Variants in MEF2A observed in about 807,000 individuals in gnomAD.
MEF2A encodes myocyte-specific enhancer factor 2A.
MEF2A carries 28 observed loss-of-function variants against 55.8 expected under a neutral mutation model. The observed-to-expected ratio is 0.50, with a 90% CI of 0.37 to 0.69. The LOEUF (loss-of-function observed/expected upper bound fraction) is 0.69, where lower values mean the gene tolerates loss of function less well. Ranked by LOEUF, MEF2A falls within the 30% of genes least tolerant of loss-of-function variation. The pLI, the probability that MEF2A is intolerant of heterozygous loss-of-function variation, is 0.00. For missense variants in MEF2A, 528 were observed against 626.2 expected (o/e 0.84, Z 1.67); for synonymous variants, 239 against 227.1 (o/e 1.05, Z -0.47).
At chr15:99,682,957 T>A (rs2053520062) in intron 7 of MEF2A, among the ~76,000 whole-genome samples, 1 of 152,238 alleles carries the variant, frequency 6.6e-6, no homozygotes, top group Non-Finnish European at 1.5e-5. Flanking sequence ...TAAAAAATTA[T>A]TAATCTGACA....
chr15:99,617,424 G>A (rs889775709), intron 2 of MEF2A, among the ~76,000 whole-genome samples: 13 of 152,190 alleles, frequency 8.5e-5, no homozygotes, highest in African/African-American at 3.1e-4. Flanking sequence ...GAAAATATAA[G>A]ATGAAATGAC....
chr15:99,581,051 A>G (rs1416828417), intron 1 of MEF2A, among the ~76,000 whole-genome samples: 1 of 152,016 alleles, frequency 6.6e-6, no homozygotes, highest in Non-Finnish European at 1.5e-5. Context: ...GAGATTTAAC[A>G]TAAAGTTGGA....
chr15:99,609,689 CTTAG>C (rs1268225637), intron 2 of MEF2A, among the ~76,000 whole-genome samples: 1 of 149,224 alleles, frequency 6.7e-6, no homozygotes, highest in Non-Finnish European at 1.5e-5. Flanking sequence ...ATTAAAACAT[CTTAG>C]TTTAGTGGGA....
chr15:99,707,496 TG>T (rs2058164132), intron 10 of MEF2A, among the ~76,000 whole-genome samples: 2 of 152,172 alleles, frequency 1.3e-5, no homozygotes. Flanking sequence ...TGCCCTAATT[TG>T]GGGTTGTATT....
At chr15:99,636,063 G>A (rs775684986) in intron 3 of MEF2A, among the ~76,000 whole-genome samples, 5 of 152,004 alleles carry the variant, frequency 3.3e-5, no homozygotes, top group Non-Finnish European at 7.4e-5. Flanking sequence ...AGCAATACTG[G>A]GTACTGTCCT....
chr15:99,681,816 G>A (rs572374044), intron 7 of MEF2A: 1 of 152,126 alleles, frequency 6.6e-6, no homozygotes, highest in Non-Finnish European at 1.5e-5. Context: ...TAGTGAGAAG[G>A]GGGTAAAGAG....
intron 4 of MEF2A, among the ~76,000 whole-genome samples, chr15:99,657,713 C>T (rs575536140): frequency 1.3e-5 from 2 of 152,124 alleles, no homozygotes; most frequent in South Asian, 2.1e-4. Flanking sequence ...AATAGATACC[C>T]CCAAAACCCT....
intron 1 of MEF2A, among the ~76,000 whole-genome samples, chr15:99,578,445 G>T (rs1292166415): frequency 6.6e-6 from 1 of 152,088 alleles, no homozygotes; most frequent in African/African-American, 2.4e-5. Context: ...TTCTGGTACT[G>T]AAAAGTTTCT....
intron 7 of MEF2A, among the ~76,000 whole-genome samples, chr15:99,679,821 C>G (rs1007226309): frequency 1.3e-5 from 2 of 152,090 alleles, no homozygotes; most frequent in Non-Finnish European, 2.9e-5. Flanking sequence ...AATAAAGGAA[C>G]TATAACAACA....
chr15:99,631,350 C>A (rs932739107), intron 2 of MEF2A, among the ~76,000 whole-genome samples: 2 of 152,112 alleles, frequency 1.3e-5, no homozygotes, highest in Non-Finnish European at 2.9e-5. Flanking sequence ...TATTCTACAA[C>A]ACAGCCTGTT....
chr15:99,668,035 G>C (rs942872302), intron 4 of MEF2A, among the ~76,000 whole-genome samples: 1 of 151,788 alleles, frequency 6.6e-6, no homozygotes, highest in African/African-American at 2.4e-5. Flanking sequence ...ACAATGTGCA[G>C]AAAGTACCTG....
At chr15:99,682,613 C>G (rs566353066) in intron 7 of MEF2A, among the ~76,000 whole-genome samples, 1 of 152,166 alleles carries the variant, frequency 6.6e-6, no homozygotes, top group South Asian at 2.1e-4. Flanking sequence ...TTAGCTTCAG[C>G]CTGGCAAGTT....
At chr15:99,672,445 C>T (rs1460562402) in intron 5 of MEF2A, among the ~76,000 whole-genome samples, 1 of 152,240 alleles carries the variant, frequency 6.6e-6, no homozygotes, top group Non-Finnish European at 1.5e-5. Context: ...TCACTGGAAG[C>T]TCCATTGGCA....
intron 2 of MEF2A, among the ~76,000 whole-genome samples, chr15:99,608,611 T>C (rs952096385): frequency 2.0e-5 from 3 of 152,152 alleles, no homozygotes; most frequent in African/African-American, 7.2e-5. Flanking sequence ...TAAAAAGTAA[T>C]ACTTTGGGCG....
rs951606048 is a variant in MEF2A, at chr15:99,636,486, C to T, written c.54+3313C>T. On this transcript the variant is annotated intron_variant, in intron 3 of 11. Transcript: ENST00000557942. ...TTCACCTCTTGAGTAGGTTGGACTACGGGCATGTACCACTAGGGCCGACCC... is the reference window on the plus strand; with the variant it reads ...TTCACCTCTTGAGTAGGTTGGACTATGGGCATGTACCACTAGGGCCGACCC... Among the ~76,000 whole-genome samples, 5 of 152,136 alleles carry T rather than the reference C, an allele frequency of 3.3e-5. No homozygotes were observed. In the South Asian group the frequency reaches 6.2e-4, roughly 19 times the overall value.
Position 99,712,242 on chromosome 15 carries a change from G to A in MEF2A, c.1137-148G>A. 7 of 1,357,440 alleles carry A rather than the reference G, an allele frequency of 5.2e-6. No homozygotes were observed. Among genetic ancestry groups the A allele is most frequent in the Admixed American group, 2.9e-5 (1 of 34,432 alleles). The allele number at this position is 1,357,440 out of a possible 1,614,324, so 84.1% of individuals were successfully genotyped here. ...GGGATTTCCTTTTGTGCCAAGCACT[G>A]AAGGAAACGACCCAAACCAGTCTTG... is the stretch of plus-strand genomic sequence containing the variant. On this transcript the variant is annotated intron_variant, in intron 11 of 11. Transcript: ENST00000557942. The surrounding 1 kb of genome is among the most constrained non-coding windows in gnomAD (Gnocchi z 4.1).
chr15:99,621,722 A>G (rs961959037), intron 2 of MEF2A, among the ~76,000 whole-genome samples: 2 of 152,198 alleles, frequency 1.3e-5, no homozygotes, highest in African/African-American at 4.8e-5. Flanking sequence ...CCAAAATTAA[A>G]TCCTTAAGTT....
At chr15:99,674,700 T>C in intron 6 of MEF2A, 88 bp downstream of exon 6, 1 of 1,111,852 alleles carries the variant, frequency 9.0e-7, no homozygotes, top group Non-Finnish European at 1.3e-6. Context: ...ATTTTGCTAT[T>C]CTTTTATTGC....
intron 7 of MEF2A, among the ~76,000 whole-genome samples, chr15:99,687,505 G>C (rs1276885087): frequency 6.6e-6 from 1 of 152,140 alleles, no homozygotes; most frequent in African/African-American, 2.4e-5. Flanking sequence ...TGAAGCTGTG[G>C]ATTATCCAGG....
Sources: gnomAD v4.1 joint callset for allele counts (sites outside exome capture counted in the v4.1 genomes callset) on GRCh38, gnomAD v4.1.1 for gene constraint, Gnocchi (gnomAD v3.1) non-coding constraint, MANE v1.5 for transcripts, NCBI Gene and HGNC (gene_info 2026-07-23, HGNC 2026-07-21) for gene names.